DLG2: variants seen among roughly 807,000 people sequenced by gnomAD.
DLG2 encodes the protein disks large homolog 2.
A neutral mutation model predicts 132.5 loss-of-function variants in DLG2; 45 were observed. That is an observed-to-expected ratio of 0.34 (90% CI 0.27 to 0.44). The LOEUF is 0.44. Ranked by LOEUF, DLG2 falls within the 20% of genes least tolerant of loss-of-function variation. The probability of loss-of-function intolerance (pLI) is 1.00; values close to 1 mark genes in which losing one functional copy is unlikely to be tolerated. For missense variants in DLG2, 1,045 were observed against 1,196.9 expected, an observed-to-expected ratio of 0.87 and a Z score of 1.87; for synonymous variants, 424 against 419.6, an observed-to-expected ratio of 1.01 and a Z score of -0.13.
At chr11:83,485,339 T>C (rs914432772) in intron 21 of DLG2, among the ~76,000 whole-genome samples, 2 of 152,182 alleles carry the variant, frequency 1.3e-5, no homozygotes, top group African/African-American at 4.8e-5. Flanking sequence ...GGGGTTTCTC[T>C]TTGGGAAATG....
At chr11:84,682,705 C>A (rs975179168) in intron 6 of DLG2, among the ~76,000 whole-genome samples, 3 of 152,156 alleles carry the variant, frequency 2.0e-5, no homozygotes, top group Non-Finnish European at 4.4e-5. Context: ...AAAGACTCAG[C>A]CCCAGCTCAG....
intron 11 of DLG2, among the ~76,000 whole-genome samples, chr11:84,053,448 A>G (rs11233890): frequency 0.64 from 96,403 of 151,752 alleles, 33,442 homozygotes; most frequent in Non-Finnish European, 0.79. Flanking sequence ...TGAAGGAAAA[A>G]AAAGAACCTC....
chr11:85,609,363 G>A (rs1422187211), intron 2 of DLG2, among the ~76,000 whole-genome samples: 1 of 152,162 alleles, frequency 6.6e-6, no homozygotes, highest in African/African-American at 2.4e-5. Flanking sequence ...CAACCTCAGT[G>A]TTCTATAATA....
chr11:83,657,788 C>T (rs1484293680), intron 18 of DLG2, among the ~76,000 whole-genome samples: 1 of 152,122 alleles, frequency 6.6e-6, no homozygotes, highest in African/African-American at 2.4e-5. Flanking sequence ...GATCCGCCCG[C>T]CTTGGCCTCC....
At chr11:85,460,450 A>G (rs2092570250) in intron 3 of DLG2, among the ~76,000 whole-genome samples, 2 of 151,972 alleles carry the variant, frequency 1.3e-5, no homozygotes, top group African/African-American at 2.4e-5. Context: ...CTCACTCACA[A>G]TTTCCTGGCA....
At chr11:85,193,574 G>T (rs1224341686) in intron 4 of DLG2, among the ~76,000 whole-genome samples, 1 of 152,046 alleles carries the variant, frequency 6.6e-6, no homozygotes, top group Non-Finnish European at 1.5e-5. Flanking sequence ...CTTCCTTCTG[G>T]TGGGTGTGAC....
At chr11:85,260,441 G>A (rs2076882855) in intron 4 of DLG2, among the ~76,000 whole-genome samples, 1 of 152,208 alleles carries the variant, frequency 6.6e-6, no homozygotes, top group African/African-American at 2.4e-5. Context: ...TAAACTTTGA[G>A]GATCTTCTTC....
chr11:85,289,125 G>T (rs953772270), intron 3 of DLG2, among the ~76,000 whole-genome samples: 83 of 152,092 alleles, frequency 5.5e-4, no homozygotes, highest in Middle Eastern at 3.2e-3. Context: ...TAGAGAGGAA[G>T]AAAATAACCA....
At chr11:85,476,836 T>C (rs2093157862) in intron 3 of DLG2, among the ~76,000 whole-genome samples, 1 of 152,158 alleles carries the variant, frequency 6.6e-6, no homozygotes, top group Non-Finnish European at 1.5e-5. Context: ...TCTGAGGCTG[T>C]TGTTCAGTTA....
chr11:85,297,719 G>T (rs2079324840), intron 3 of DLG2, among the ~76,000 whole-genome samples: 1 of 152,076 alleles, frequency 6.6e-6, no homozygotes, highest in Non-Finnish European at 1.5e-5. Flanking sequence ...GGTGGTGAAG[G>T]AGTTTGGAGA....
intron 4 of DLG2, among the ~76,000 whole-genome samples, chr11:85,224,103 C>T (rs1565181541): frequency 6.6e-6 from 1 of 152,100 alleles, no homozygotes; most frequent in African/African-American, 2.4e-5. Flanking sequence ...TAAAATTAAT[C>T]TATATAAAAC....
At chr11:84,780,226 C>G (rs2071471728) in intron 6 of DLG2, among the ~76,000 whole-genome samples, 3 of 151,916 alleles carry the variant, frequency 2.0e-5, no homozygotes, top group Admixed American at 2.0e-4. Context: ...AAAGATGGCT[C>G]AATATTCTCA....
intron 11 of DLG2, among the ~76,000 whole-genome samples, chr11:84,044,832 C>G (rs1694513369): frequency 6.6e-6 from 1 of 151,686 alleles, no homozygotes; most frequent in Non-Finnish European, 1.5e-5. Context: ...AGTGAGAAGT[C>G]TTAGGATTTT....
chr11:84,140,185 G>T (rs71469627), intron 9 of DLG2, among the ~76,000 whole-genome samples: 3 of 152,048 alleles, frequency 2.0e-5, no homozygotes, highest in Admixed American at 2.0e-4. Context: ...ATTTCAGACT[G>T]CCCTTTGCTA....
intron 21 of DLG2, among the ~76,000 whole-genome samples, chr11:83,487,224 C>CCAAT (rs1038877942): frequency 2.6e-5 from 4 of 152,012 alleles, no homozygotes; most frequent in Non-Finnish European, 4.4e-5. Flanking sequence ...TTTGAAAATA[C>CCAAT]CAATCAAATG....
In DLG2 at chr11:84,135,225, C is replaced by T. The variant is rs146325148; in HGVS notation, c.624+28236G>A. Among the ~76,000 whole-genome samples the T allele has an allele frequency of 2.6e-3, 399 of 152,132 alleles. 2 individuals are homozygous for T. Among genetic ancestry groups the T allele is most frequent in the African/African-American group, 9.1e-3 (377 of 41,526 alleles). ...ACAGACTGAGTGAATAAATGTTGCT[C>T]AACCAGCAGAGACTCAACATTTAAT... is the stretch of plus-strand genomic sequence containing the variant. On this transcript the variant is annotated intron_variant, in intron 9 of 27. Transcript: ENST00000376104.
intron 7 of DLG2, among the ~76,000 whole-genome samples, chr11:84,375,365 C>A (rs539635618): frequency 6.6e-6 from 1 of 152,234 alleles, no homozygotes; most frequent in African/African-American, 2.4e-5. Context: ...TGTTCACCAA[C>A]TGGTTCTTTG....
intron 6 of DLG2, among the ~76,000 whole-genome samples, chr11:84,906,533 G>C (rs1244497893): frequency 2.0e-5 from 3 of 151,674 alleles, no homozygotes; most frequent in Non-Finnish European, 4.4e-5. Flanking sequence ...ACAATTAACT[G>C]ACAGCTTATT....
intron 14 of DLG2, among the ~76,000 whole-genome samples, chr11:83,933,142 A>G (rs2080707930): frequency 6.6e-6 from 1 of 152,190 alleles, no homozygotes; most frequent in African/African-American, 2.4e-5. Flanking sequence ...CATCACTGAA[A>G]TCTGGGTGGC....
Sources: gnomAD v4.1 joint callset for allele counts (sites outside exome capture counted in the v4.1 genomes callset) on GRCh38, gnomAD v4.1.1 for gene constraint, MANE v1.5 for transcripts, NCBI Gene and HGNC (gene_info 2026-07-23, HGNC 2026-07-21) for gene names.